The following ABCA13 variants were observed in gnomAD, a reference collection of about 807,000 sequenced individuals.
The protein encoded by ABCA13 is ATP binding cassette subfamily A member 13.
A neutral mutation model predicts 478.7 loss-of-function variants in ABCA13; 476 were observed. The observed-to-expected ratio is 0.99, with a 90% CI of 0.92 to 1.07. The LOEUF (loss-of-function observed/expected upper bound fraction) is 1.07, where lower values mean the gene tolerates loss of function less well. Ranked by LOEUF, ABCA13 falls within the 50% of genes least tolerant of loss-of-function variation. The pLI is 0.00. For missense variants in ABCA13, 6,060 were observed against 5,910.6 expected (o/e 1.03, Z -0.83); for synonymous variants, 2,252 against 2,158.9 (o/e 1.04, Z -1.20).
intron 3 of ABCA13, among the ~76,000 whole-genome samples, chr7:48,217,461 T>C (rs536689292): frequency 2.6e-5 from 4 of 152,324 alleles, no homozygotes; most frequent in Admixed American, 6.5e-5. Context: ...CCACTGCCGC[T>C]TCTCTTCCTG....
chr7:48,250,292 T>C lies in ABCA13; in HGVS notation c.2005+941T>C, dbSNP rs531470538. On this transcript the variant is annotated intron_variant, in intron 15 of 61. Transcript: ENST00000435803. Reference sequence around the variant, plus strand: ...CTGTCCTTTTGGGTTTTTATGGAAGTTTCCTTATGTAGGCATGATATATTA... The same window carrying C: ...CTGTCCTTTTGGGTTTTTATGGAAGCTTCCTTATGTAGGCATGATATATTA... Among the ~76,000 whole-genome samples the C allele has an allele frequency of 2.0e-5, 3 of 152,198 alleles. No individual in the cohort carries two copies. In the South Asian group the frequency reaches 6.2e-4, roughly 32 times the overall value.
In ABCA13 at chr7:48,342,314, C is replaced by T. The variant is rs557272071; in HGVS notation, c.10204+3859C>T. Among the ~76,000 whole-genome samples the T allele has an allele frequency of 9.7e-4, 147 of 152,212 alleles. No homozygotes were observed. In the Middle Eastern group the frequency reaches 0.031, roughly 32 times the overall value. On this transcript the variant is annotated intron_variant, in intron 29 of 61. Coordinates refer to ENST00000435803, the MANE Select transcript of ABCA13 (RefSeq NM_152701.5). The stretch of plus-strand genomic sequence containing the variant: ...TGAGCATCCTCACTGTCTCCTTGTT[C>T]CATCAGCTCTTAAGAGGTGTGTGTT...
At chr7:48,498,811 A>G (rs902104483) in intron 48 of ABCA13, among the ~76,000 whole-genome samples, 2 of 152,242 alleles carry the variant, frequency 1.3e-5, no homozygotes, top group Admixed American at 6.5e-5. Context: ...AAGGAAGATC[A>G]TGAAAATATT....
chr7:48,291,353 C>T (rs1326258693), intron 20 of ABCA13, among the ~76,000 whole-genome samples: 1 of 152,172 alleles, frequency 6.6e-6, no homozygotes. Context: ...GTGTTACTCA[C>T]ACAATGCAGG....
At chr7:48,293,923 G>T (rs976372886) in intron 20 of ABCA13, among the ~76,000 whole-genome samples, 14 of 152,092 alleles carry the variant, frequency 9.2e-5, no homozygotes, top group Non-Finnish European at 1.5e-4. Flanking sequence ...CACCTGCAGT[G>T]GACAGAACAG....
intron 48 of ABCA13, among the ~76,000 whole-genome samples, chr7:48,496,229 A>G (rs1830265649): frequency 6.6e-6 from 1 of 151,954 alleles, no homozygotes; most frequent in Non-Finnish European, 1.5e-5. Flanking sequence ...TATTTATAGT[A>G]TTTTTAAGTA....
intron 15 of ABCA13, among the ~76,000 whole-genome samples, chr7:48,263,991 C>T: frequency 6.6e-6 from 1 of 151,848 alleles, no homozygotes; most frequent in East Asian, 1.9e-4. Context: ...GCTCTGCTTT[C>T]TGTCACTGTA....
chr7:48,609,408 C>G (rs185733259), intron 58 of ABCA13, among the ~76,000 whole-genome samples: 1 of 152,126 alleles, frequency 6.6e-6, no homozygotes, highest in African/African-American at 2.4e-5. Flanking sequence ...ATGATTTATC[C>G]TGTGATTCTA....
intron 15 of ABCA13, among the ~76,000 whole-genome samples, chr7:48,250,667 A>G (rs898827326): frequency 1.8e-4 from 28 of 152,228 alleles, no homozygotes; most frequent in Non-Finnish European, 1.3e-4. Flanking sequence ...TCCCTAAAAT[A>G]TAAATATTAC....
At chr7:48,522,271 A>C (rs151261265) in intron 53 of ABCA13, among the ~76,000 whole-genome samples, 291 of 152,254 alleles carry the variant, frequency 1.9e-3, no homozygotes, top group African/African-American at 6.7e-3. Flanking sequence ...ACTGCTGGAC[A>C]TGAGTGCTGA....
chr7:48,487,703 A>T (rs1829468541), intron 47 of ABCA13, among the ~76,000 whole-genome samples: 1 of 152,060 alleles, frequency 6.6e-6, no homozygotes, highest in South Asian at 2.1e-4. Flanking sequence ...GGGCTTTTCT[A>T]CCAGATTAGC....
chr7:48,350,801 C>T lies in ABCA13; in HGVS notation c.10363C>T (p.Gln3455Ter), dbSNP rs1808853977. 1.2e-6 allele frequency: 2 copies of T among 1,613,686 alleles called. No homozygotes were observed. The highest frequency in any genetic ancestry group is 1.7e-6 in the Non-Finnish European group (2 of 1,179,738). The change falls in exon 30 of 62, where the codon CAG (glutamine) becomes TAG (stop). Residue 3455 changes from glutamine (Q) to a stop codon, truncating the protein, a stop_gained. Transcript: ENST00000435803. LOFTEE classifies it high-confidence loss of function. ...LETKAHELLQ[Q>*]NSFLASIIFS... is the part of the protein sequence containing the mutation. The stretch of plus-strand genomic sequence containing the variant: ...GACTAAAGCACATGAACTCTTGCAG[C>T]AGAACAGCTTCTTGGCCAGTAAGTA...
chr7:48,223,679 G>A (rs776429040), intron 5 of ABCA13, among the ~76,000 whole-genome samples: 1 of 151,998 alleles, frequency 6.6e-6, no homozygotes, highest in Non-Finnish European at 1.5e-5. Context: ...GGGGCACTCC[G>A]GGCTCAGTGG....
chr7:48,275,246 T>C lies in ABCA13; in HGVS notation c.5580T>C (p.Asp1860=), dbSNP rs369622285. The change falls in exon 17 of 62, where the codon GAT becomes GAC. Residue 1860 remains aspartate, a synonymous_variant. Transcript: ENST00000435803. ...ATGGCAAAGTGGCCAGTATACTTGA[T>C]CATTTCCACCTGTCTCCCCAAGGTG... ...SFYGKVASIL[D]HFHLSPQGED... 2 of 1,613,810 alleles carry C rather than the reference T, an allele frequency of 1.2e-6. No homozygotes were observed. The highest frequency in any genetic ancestry group is 4.5e-5 in the East Asian group (2 of 44,882).
At chr7:48,240,289 TTG>T (rs1790625124) in intron 9 of ABCA13, among the ~76,000 whole-genome samples, 1 of 152,214 alleles carries the variant, frequency 6.6e-6, no homozygotes, top group African/African-American at 2.4e-5. Flanking sequence ...CACACTTGCT[TTG>T]TGCATTATCT....
chr7:48,355,750 G>T (rs1809797280), intron 31 of ABCA13, among the ~76,000 whole-genome samples: 1 of 151,926 alleles, frequency 6.6e-6, no homozygotes, highest in African/African-American at 2.4e-5. Flanking sequence ...GTGATAGAGA[G>T]ACATCGAGGA....
intron 42 of ABCA13, among the ~76,000 whole-genome samples, chr7:48,452,809 T>C (rs1464743274): frequency 1.3e-5 from 2 of 152,238 alleles, no homozygotes; most frequent in African/African-American, 4.8e-5. Context: ...GCTGTGAAGA[T>C]ATCAAGTAAT....
chr7:48,413,453 C>T (rs1024489818), intron 41 of ABCA13, among the ~76,000 whole-genome samples: 4 of 152,108 alleles, frequency 2.6e-5, no homozygotes, highest in South Asian at 2.1e-4. Flanking sequence ...GACATTGCTA[C>T]GTTGTGTGAC....
chr7:48,520,054 T>C lies in ABCA13; in HGVS notation c.13811T>C (p.Ile4604Thr). 1.2e-6 allele frequency: 2 copies of C among 1,612,014 alleles called. No homozygotes were observed. The highest frequency in any genetic ancestry group is 1.7e-6 in the Non-Finnish European group (2 of 1,178,840). ...TTCACTGTGCAGAATTTACAGAATA[T>C]CTATGATGTCCTCAAGTGGGTCTTT... is the stretch of plus-strand genomic sequence containing the variant. ...IISKAKNLQN[I>T]YDVLKWVFTI... Residue 4604 changes from isoleucine (I) to threonine (T), a missense_variant, in exon 53 of 62, where the codon ATC becomes ACC. Around this residue, in one of 3 missense-constraint regions of ABCA13, gnomAD observed 1,627 missense variants for 1,571.0 expected, o/e 1.04. Transcript: ENST00000435803.
Sources: allele counts gnomAD v4.1 joint callset (sites outside exome capture counted in the v4.1 genomes callset), GRCh38; gene constraint gnomAD v4.1.1; regional missense constraint gnomAD v4.1.1; transcripts MANE v1.5; gene names NCBI Gene and HGNC (gene_info 2026-07-23, HGNC 2026-07-21).